Variants in TRAF3 observed in about 807,000 individuals in gnomAD.
TRAF3 encodes TNF receptor associated factor 3, also known as TNF receptor-associated factor 3.
Under a neutral mutation model 62.3 loss-of-function variants are expected in TRAF3, and 13 were observed. The observed-to-expected ratio is 0.21, with a 90% CI of 0.14 to 0.33. The LOEUF is 0.33. Among genes scored for constraint, TRAF3 ranks in the 10% least tolerant of loss-of-function variants. The probability of loss-of-function intolerance (pLI) is 1.00; values close to 1 mark genes in which losing one functional copy is unlikely to be tolerated. For synonymous variants in TRAF3, 269 were observed against 283.4 expected (o/e 0.95, Z 0.51); for missense variants, 440 against 741.8 (o/e 0.59, Z 4.73).
Position 102,799,508 on chromosome 14 carries a change from T to C in TRAF3, c.-157+21833T>C, listed in dbSNP as rs553057622. 3.3e-5 allele frequency among the ~76,000 whole-genome samples: 5 copies of C among 152,276 alleles called. No individual in the cohort carries two copies. In the South Asian group the frequency reaches 1.0e-3, roughly 32 times the overall value. On this transcript the variant is annotated intron_variant, in intron 1 of 11. Transcript: ENST00000392745. ...CTCTGTCGCCCAGGCTGGAGTGCAATGGTGCGATCTCTGCTCGCTGCAACC... is the reference window on the plus strand; with the variant it reads ...CTCTGTCGCCCAGGCTGGAGTGCAACGGTGCGATCTCTGCTCGCTGCAACC...
intron 2 of TRAF3, among the ~76,000 whole-genome samples, chr14:102,832,672 C>T (rs1463302697): frequency 6.6e-6 from 1 of 152,072 alleles, no homozygotes; most frequent in Non-Finnish European, 1.5e-5. Flanking sequence ...ACTCTGTCCT[C>T]CCACCAAAAA....
At chr14:102,824,231 A>G (rs1900158741) in intron 1 of TRAF3, among the ~76,000 whole-genome samples, 1 of 152,148 alleles carries the variant, frequency 6.6e-6, no homozygotes, top group Non-Finnish European at 1.5e-5. Context: ...TTTGTTGCTG[A>G]CCTAGCGACT....
At chr14:102,829,570 G>A (rs1163756732) in intron 1 of TRAF3, among the ~76,000 whole-genome samples, 2 of 152,220 alleles carry the variant, frequency 1.3e-5, no homozygotes, top group Non-Finnish European at 2.9e-5. Context: ...AATGCATGAT[G>A]TCTCCAAAAG....
rs148421959 is a variant in TRAF3 at position 102,786,115 on chromosome 14, A to T, written c.-157+8440A>T. Among the ~76,000 whole-genome samples the T allele has an allele frequency of 1.3e-4, 20 of 152,290 alleles. No homozygotes were observed. In the East Asian group the frequency reaches 2.1e-3, roughly 16 times the overall value. The stretch of plus-strand genomic sequence containing the variant: ...TCAGTTTATGTATGGAAGGAATTAG[A>T]CCTGCTTTGAATTCTGGTCTGTCCT... On this transcript the variant is annotated intron_variant, in intron 1 of 11. Coordinates refer to ENST00000392745, the MANE Select transcript of TRAF3 (RefSeq NM_145725.3).
Position 102,817,833 on chromosome 14 carries a change from T to C in TRAF3, c.-156-12501T>C, listed in dbSNP as rs150181695. 1.8e-3 allele frequency among the ~76,000 whole-genome samples: 272 copies of C among 152,370 alleles called. 1 individual carries two copies. The highest frequency in any genetic ancestry group is 6.3e-3 in the African/African-American group (262 of 41,580). On this transcript the variant is annotated intron_variant, in intron 1 of 11. Coordinates refer to ENST00000392745, the MANE Select transcript of TRAF3 (RefSeq NM_145725.3). Reference sequence around the variant, plus strand: ...TCATTATTGTAGTCTATTGTTACGTTGTTAAGTCTCACCCAAGTGAGTATT... The same window carrying C: ...TCATTATTGTAGTCTATTGTTACGTCGTTAAGTCTCACCCAAGTGAGTATT...
intron 7 of TRAF3, among the ~76,000 whole-genome samples, chr14:102,886,737 CAA>C (rs1405780030): frequency 6.6e-6 from 1 of 152,102 alleles, no homozygotes. Flanking sequence ...GCCTGGGCAA[CAA>C]GAGTTAAACT....
At chr14:102,833,974 G>A (rs531263411) in intron 2 of TRAF3, among the ~76,000 whole-genome samples, 9 of 125,218 alleles carry the variant, frequency 7.2e-5, no homozygotes, top group African/African-American at 2.9e-4. Context: ...GGGCAACAAA[G>A]CTAGACTTTG....
chr14:102,854,302 G>A (rs866230639), intron 2 of TRAF3, among the ~76,000 whole-genome samples: 4 of 152,180 alleles, frequency 2.6e-5, no homozygotes, highest in Non-Finnish European at 5.9e-5. Flanking sequence ...TATACATAGA[G>A]ATGGAATTGT....
At chr14:102,815,186 G>C (rs1335955322) in intron 1 of TRAF3, among the ~76,000 whole-genome samples, 2 of 152,130 alleles carry the variant, frequency 1.3e-5, no homozygotes, top group African/African-American at 4.8e-5. Context: ...CAGTTCTCCT[G>C]CTTCAGCCTC....
At chr14:102,900,774 A>G (rs1035110431) in intron 10 of TRAF3, among the ~76,000 whole-genome samples, 2 of 152,234 alleles carry the variant, frequency 1.3e-5, no homozygotes, top group Non-Finnish European at 2.9e-5. Flanking sequence ...CCTGGCATGC[A>G]AGTGTATAAG....
chr14:102,814,206 C>G (rs1175014572), intron 1 of TRAF3, among the ~76,000 whole-genome samples: 4 of 152,178 alleles, frequency 2.6e-5, no homozygotes, highest in Non-Finnish European at 5.9e-5. Context: ...GCGCCTTTGT[C>G]AAAAATCAGT....
chr14:102,803,215 T>A (rs1428841807), intron 1 of TRAF3, among the ~76,000 whole-genome samples: 3 of 152,216 alleles, frequency 2.0e-5, no homozygotes, highest in Non-Finnish European at 2.9e-5. Context: ...AGGCTTTTTA[T>A]AGAGGGAGTG....
At chr14:102,876,173 A>C (rs1345200443) in intron 5 of TRAF3, among the ~76,000 whole-genome samples, 185 bp from the exon 6 acceptor site, 1 of 152,244 alleles carries the variant, frequency 6.6e-6, no homozygotes, top group Non-Finnish European at 1.5e-5. Context: ...TGGTTTGAGT[A>C]ATCATGAAAT....
At chr14:102,794,664 A>G (rs973710666) in intron 1 of TRAF3, among the ~76,000 whole-genome samples, 10 of 152,344 alleles carry the variant, frequency 6.6e-5, no homozygotes, top group African/African-American at 1.9e-4. Flanking sequence ...TGGTGGCTAG[A>G]TTCCATAGTG....
intron 2 of TRAF3, among the ~76,000 whole-genome samples, chr14:102,837,154 G>GA (rs888484477): frequency 6.6e-6 from 1 of 150,868 alleles, no homozygotes; most frequent in African/African-American, 2.4e-5. Context: ...TTTTTTTGGG[G>GA]GGGGGTGAAG....
At chr14:102,820,405 C>T (rs1899825372) in intron 1 of TRAF3, among the ~76,000 whole-genome samples, 1 of 151,752 alleles carries the variant, frequency 6.6e-6, no homozygotes, top group Non-Finnish European at 1.5e-5. Flanking sequence ...ACACTCTGCC[C>T]TCTTAGCTGG....
intron 8 of TRAF3, among the ~76,000 whole-genome samples, chr14:102,890,890 C>G (rs1889672374): frequency 6.6e-6 from 1 of 152,204 alleles, no homozygotes; most frequent in African/African-American, 2.4e-5. Context: ...TACGTGTTTA[C>G]TAGACTGTTG....
At chr14:102,894,753 G>C (rs1353566289) in intron 9 of TRAF3, among the ~76,000 whole-genome samples, 1 of 152,200 alleles carries the variant, frequency 6.6e-6, no homozygotes, top group East Asian at 1.9e-4. Context: ...ATTTGTTGGA[G>C]AGCAGTGGCG....
intron 1 of TRAF3, among the ~76,000 whole-genome samples, chr14:102,807,285 A>G (rs1056291915): frequency 1.3e-5 from 2 of 152,140 alleles, no homozygotes; most frequent in South Asian, 2.1e-4. Context: ...CTGCCTGCCC[A>G]GGAGGCCATC....
Sources: allele counts gnomAD v4.1 joint callset (sites outside exome capture counted in the v4.1 genomes callset), GRCh38; gene constraint gnomAD v4.1.1; transcripts MANE v1.5; gene names NCBI Gene and HGNC (gene_info 2026-07-23, HGNC 2026-07-21).